Variants in BICD1 observed in about 807,000 individuals in gnomAD.
BICD1 encodes the protein protein bicaudal D homolog 1.
Under a neutral mutation model 92.5 loss-of-function variants are expected in BICD1, and 35 were observed. The observed-to-expected ratio is 0.38, with a 90% CI of 0.29 to 0.50. BICD1 has a LOEUF of 0.50. BICD1 is among the 20% of genes least tolerant of loss of function. BICD1 has a pLI of 0.93. For synonymous variants in BICD1, 429 were observed against 465.1 expected (o/e 0.92, Z 1.00); for missense variants, 950 against 1,189.8 (o/e 0.80, Z 2.97).
rs1335188075 is a variant in BICD1 at position 32,377,830 on chromosome 12, G to C, written c.*203G>C. On this transcript the variant is annotated 3_prime_UTR_variant, in exon 10 of 10. Transcript: ENST00000652176. ...ATAAAACATTTTGTGGTTTCTCTGA[G>C]TCACAGATAAACTTCTGCCATCAAA... 2.3e-5 allele frequency: 11 copies of C among 475,442 alleles called. No individual in the cohort carries two copies. The highest frequency in any genetic ancestry group is 1.4e-4 in the Admixed American group (4 of 28,590). The allele number at this position is 475,442 out of a possible 1,614,324, so 29.5% of individuals were successfully genotyped here.
At chr12:32,267,076 C>T (rs1482691856) in intron 2 of BICD1, among the ~76,000 whole-genome samples, 3 of 152,134 alleles carry the variant, frequency 2.0e-5, no homozygotes, top group African/African-American at 7.2e-5. Context: ...ACATGTCATG[C>T]ACATCATTCT....
intron 2 of BICD1, among the ~76,000 whole-genome samples, chr12:32,283,373 C>T (rs1947471790): frequency 6.7e-6 from 1 of 150,252 alleles, no homozygotes; most frequent in East Asian, 1.9e-4. Context: ...CTCCACTCCA[C>T]TCCACTCCAC....
At chr12:32,330,576 A>T (rs978287107) in intron 5 of BICD1, among the ~76,000 whole-genome samples, 2 of 149,486 alleles carry the variant, frequency 1.3e-5, no homozygotes, top group Non-Finnish European at 1.5e-5. Flanking sequence ...AGTAAATTAA[A>T]ATATATATAT....
At chr12:32,243,116 TGA>T in intron 2 of BICD1, among the ~76,000 whole-genome samples, 1 of 151,954 alleles carries the variant, frequency 6.6e-6, no homozygotes, top group African/African-American at 2.4e-5. Flanking sequence ...TTTTTTTTTT[TGA>T]GACAGGGTCT....
rs1372645276 is a variant in BICD1, at chr12:32,337,972, G to A, written c.2570+156G>A. On this transcript the variant is annotated intron_variant, in intron 7 of 9. Transcript: ENST00000652176. This position sits in a 1 kb window ranked among gnomAD's most constrained non-coding sequence, Gnocchi z 4.7. ...GGTCTTGCTAATGTGGGTCTTTCCAGATCAAAACCTTTTTGATAATTGTGT... is the reference window on the plus strand; with the variant it reads ...GGTCTTGCTAATGTGGGTCTTTCCAAATCAAAACCTTTTTGATAATTGTGT... The A allele has an allele frequency of 5.4e-6, 4 of 742,142 alleles. No homozygotes were observed. The East Asian group carries it at 1.1e-4, about 20-fold the overall frequency. The allele number at this position is 742,142 out of a possible 1,614,324, so 46.0% of individuals were successfully genotyped here. A position where few individuals can be genotyped will look rare whatever the true frequency, so the allele number is the denominator to read the frequency against.
rs759329449 is a variant in BICD1 at position 32,216,445 on chromosome 12, C to T, written c.412C>T (p.Gln138Ter). The change falls in exon 2 of 10, where the codon CAG (glutamine) becomes TAG (stop). Residue 138 changes from glutamine (Q) to a stop codon, truncating the protein, a stop_gained. Transcript: ENST00000652176. LOFTEE classifies it high-confidence loss of function. ...AAACGAGAGGCTCACCGCAGTCGTG[C>T]AGGATCTGAAGGAGGTAAATAAACA... The part of the protein sequence containing the change: ...AENERLTAVV[Q>*]DLKENNEMVE... The T allele has an allele frequency of 6.2e-7, 1 of 1,614,038 alleles. No homozygotes were observed.
intron 2 of BICD1, among the ~76,000 whole-genome samples, chr12:32,226,178 A>C (rs562076554): frequency 2.2e-4 from 33 of 152,266 alleles, no homozygotes; most frequent in African/African-American, 7.5e-4. Flanking sequence ...TCTGTCACCC[A>C]TGCTGGAATG....
chr12:32,125,866 A>G (rs1942308904), intron 1 of BICD1, among the ~76,000 whole-genome samples: 1 of 139,256 alleles, frequency 7.2e-6, no homozygotes, highest in Admixed American at 7.9e-5. Context: ...ACATGGCAAG[A>G]CCCCGTCTCT....
At position 32,107,753 on chromosome 12, in the gene BICD1, T is replaced by A; in HGVS notation, c.213+209T>A. On this transcript the variant is annotated intron_variant, in intron 1 of 9. Coordinates refer to ENST00000652176, the MANE Select transcript of BICD1 (RefSeq NM_001714.4). ...AAGAAATGAATATATAAGCTGGAAT[T>A]TGGGAGGCAATGGCTGTTTGGCCTG... The A allele has an allele frequency of 5.5e-6, 4 of 730,780 alleles. No homozygotes were observed. The Admixed American group carries it at 8.0e-5, about 15-fold the overall frequency. 45.3% of individuals were successfully genotyped at this position (730,780 alleles called of 1,614,324 possible).
intron 2 of BICD1, among the ~76,000 whole-genome samples, chr12:32,229,570 G>A (rs1945808258): frequency 6.6e-6 from 1 of 152,140 alleles, no homozygotes; most frequent in Non-Finnish European, 1.5e-5. Context: ...TTGACCATTG[G>A]GTTTACGAAC....
intron 8 of BICD1, among the ~76,000 whole-genome samples, chr12:32,345,380 G>A (rs1938528300): frequency 6.6e-6 from 1 of 151,886 alleles, no homozygotes; most frequent in Admixed American, 6.6e-5. Flanking sequence ...AATAGGTAAT[G>A]GTTCAAAAAT....
intron 2 of BICD1, among the ~76,000 whole-genome samples, chr12:32,279,781 G>A (rs902327964): frequency 2.0e-5 from 3 of 152,282 alleles, no homozygotes; most frequent in East Asian, 1.9e-4. Flanking sequence ...TTAACCCTTC[G>A]TGGTGCCACT....
chr12:32,117,751 TA>T lies in BICD1; in HGVS notation c.213+10208del, dbSNP rs1318687523. On this transcript the variant is annotated intron_variant, in intron 1 of 9. Coordinates refer to ENST00000652176, the MANE Select transcript of BICD1 (RefSeq NM_001714.4). Reference sequence around the variant, plus strand: ...ACACACACACATATATATATATATATATATATATTTTTTTTTAAGACCATAT... The same window carrying T: ...ACACACACACATATATATATATATATTATATATTTTTTTTTAAGACCATAT... Among the ~76,000 whole-genome samples, 100 of 94,398 alleles carry T rather than the reference TA, an allele frequency of 1.1e-3. 1 individual carries two copies. Among genetic ancestry groups the T allele is most frequent in the African/African-American group, 2.8e-3 (95 of 34,292 alleles). 61.9% of individuals were successfully genotyped at this position (94,398 alleles called of 152,430 possible). A position where few individuals can be genotyped will look rare whatever the true frequency, so the allele number is the denominator to read the frequency against.
chr12:32,202,200 C>T (rs1455599882), intron 1 of BICD1, among the ~76,000 whole-genome samples: 2 of 152,168 alleles, frequency 1.3e-5, no homozygotes, highest in East Asian at 1.9e-4. Flanking sequence ...GGGCAGATGG[C>T]GTCTGTTTGG....
At chr12:32,172,072 C>T (rs1592413435) in intron 1 of BICD1, among the ~76,000 whole-genome samples, 1 of 152,226 alleles carries the variant, frequency 6.6e-6, no homozygotes, top group East Asian at 1.9e-4. Context: ...CTGCCTCTCC[C>T]TCCGTTCCTT....
At chr12:32,147,964 C>T (rs564348416) in intron 1 of BICD1, among the ~76,000 whole-genome samples, 1 of 78,114 alleles carries the variant, frequency 1.3e-5, no homozygotes, top group African/African-American at 4.0e-5. Flanking sequence ...TATAGGGAGA[C>T]CCCCCATCTC....
chr12:32,175,544 T>C (rs1213181326), intron 1 of BICD1, among the ~76,000 whole-genome samples: 1 of 152,200 alleles, frequency 6.6e-6, no homozygotes, highest in Non-Finnish European at 1.5e-5. Context: ...GTCCAACTGC[T>C]GACCTCGGGT....
intron 2 of BICD1, among the ~76,000 whole-genome samples, chr12:32,265,053 C>A (rs1231114986): frequency 6.6e-6 from 1 of 152,056 alleles, no homozygotes; most frequent in African/African-American, 2.4e-5. Flanking sequence ...GCTGCCTTAG[C>A]CTTCTGAACT....
chr12:32,339,278 G>A, intron 8 of BICD1: 1 of 1,068,452 alleles, frequency 9.4e-7, no homozygotes, highest in South Asian at 4.1e-5. Flanking sequence ...GATCCTATTT[G>A]CAGTTTGGTA....
Sources: allele counts gnomAD v4.1 joint callset (sites outside exome capture counted in the v4.1 genomes callset), GRCh38; gene constraint gnomAD v4.1.1; non-coding constraint Gnocchi (gnomAD v3.1); transcripts MANE v1.5; gene names NCBI Gene and HGNC (gene_info 2026-07-23, HGNC 2026-07-21).